The following TEX101 variants were observed in gnomAD, a reference collection of about 807,000 sequenced individuals.
The protein encoded by TEX101 is testis-expressed protein 101.
TEX101 carries 10 observed loss-of-function variants against 18.1 expected under a neutral mutation model. That is an observed-to-expected ratio of 0.55 (90% CI 0.34 to 0.94). TEX101 has a LOEUF of 0.94. Ranked by LOEUF, TEX101 falls within the 40% of genes least tolerant of loss-of-function variation. TEX101 has a pLI of 0.02. For missense variants in TEX101, 259 were observed against 298.9 expected, an observed-to-expected ratio of 0.87 and a Z score of 0.98; for synonymous variants, 94 against 114.8, an observed-to-expected ratio of 0.82 and a Z score of 1.16.
intron 3 of TEX101, among the ~76,000 whole-genome samples, chr19:43,409,133 G>T (rs1970397080): frequency 6.6e-6 from 1 of 152,228 alleles, no homozygotes; most frequent in African/African-American, 2.4e-5. Flanking sequence ...TAGGTTCAGA[G>T]AAACTTCAGG....
At position 43,415,952 on chromosome 19, in the gene TEX101, C is replaced by T. The variant is rs1006687590; in HGVS notation, c.33C>T (p.Ile11=). MGTPRIQHLL[I]LLVLGASLLT... is the part of the protein sequence containing the mutation. The stretch of plus-strand genomic sequence containing the variant: ...CCCCTCGTATCCAGCATTTGCTGAT[C>T]CTCCTGGTCCTAGGAGCCTCCCTCC... Residue 11 remains isoleucine (I), a synonymous_variant, in exon 2 of 6, where the codon ATC becomes ATT. Transcript: ENST00000598265. 5.0e-6 allele frequency: 8 copies of T among 1,614,174 alleles called. No individual in the cohort carries two copies. The highest frequency in any genetic ancestry group is 6.8e-6 in the Non-Finnish European group (8 of 1,180,030).
intron 2 of TEX101, among the ~76,000 whole-genome samples, chr19:43,404,111 G>A (rs1229629427): frequency 7.4e-6 from 1 of 135,704 alleles, no homozygotes; most frequent in Admixed American, 8.2e-5. Flanking sequence ...CTCTACACAT[G>A]ATTTAAGACA....
chr19:43,391,062 A>C, the TEX101 span, among the ~76,000 whole-genome samples: 1 of 152,214 alleles, frequency 6.6e-6, no homozygotes, highest in African/African-American at 2.4e-5. Flanking sequence ...TTCATGTTGA[A>C]GCACCATCAG....
chr19:43,418,062 T>G, intron 5 of TEX101, 56 bp downstream of exon 5: 1 of 1,613,406 alleles, frequency 6.2e-7, no homozygotes, highest in African/African-American at 1.3e-5. Flanking sequence ...TTTGAGTGGC[T>G]CCCCAGAGAT....
chr19:43,406,247 A>C, exon 3 of TEX101: 1 of 488,572 alleles, frequency 2.0e-6, no homozygotes, highest in Non-Finnish European at 3.6e-6. Flanking sequence ...AAGTGAAGGA[A>C]TTCAATGAAG....
chr19:43,392,335 G>A, the TEX101 span, among the ~76,000 whole-genome samples: 2 of 152,120 alleles, frequency 1.3e-5, no homozygotes, highest in Non-Finnish European at 1.5e-5. Context: ...ACCCAGGCTT[G>A]TGGATTCTTG....
At chr19:43,395,479 A>C in the TEX101 span, among the ~76,000 whole-genome samples, 24 of 152,214 alleles carry the variant, frequency 1.6e-4, no homozygotes, top group African/African-American at 5.1e-4. Flanking sequence ...ATTTAAATTT[A>C]GAGTGTCACT....
rs73561899 is a variant in TEX101, at chr19:43,404,394, T to C, written c.-283+1535T>C. 3.4e-3 allele frequency among the ~76,000 whole-genome samples: 520 copies of C among 151,962 alleles called. 4 individuals carry two copies. The highest frequency in any genetic ancestry group is 0.012 in the African/African-American group (492 of 41,238). On this transcript the variant is annotated intron_variant, in intron 2 of 7. Coordinates refer to the TEX101 transcript ENST00000602198. ...TTGAATGCTCAATAAGCCACTGAAA[T>C]GTGATATCTATATTATATTACATAT...
chr19:43,402,549 G>C (rs1970326757), intron 1 of TEX101, among the ~76,000 whole-genome samples: 2 of 152,212 alleles, frequency 1.3e-5, no homozygotes, highest in Non-Finnish European at 1.5e-5. Context: ...TTAATGACTG[G>C]AGATAGAACA....
upstream of TEX101, chr19:43,414,888 G>C: frequency 1.0e-6 from 1 of 985,478 alleles, no homozygotes; most frequent in Non-Finnish European, 1.2e-6. Context: ...GCCTTGCGTC[G>C]TAAGAGAATG....
chr19:43,398,441 A>C (rs1970292539), upstream of TEX101, among the ~76,000 whole-genome samples: 1 of 150,846 alleles, frequency 6.6e-6, no homozygotes, highest in Non-Finnish European at 1.5e-5. Context: ...ACGCCCAGCT[A>C]ATTTTTGTAT....
chr19:43,391,790 A>G, the TEX101 span, among the ~76,000 whole-genome samples: 1 of 152,300 alleles, frequency 6.6e-6, no homozygotes, highest in South Asian at 2.1e-4. Context: ...TGCCGTGACT[A>G]GTCTAGAATG....
upstream of TEX101, among the ~76,000 whole-genome samples, chr19:43,401,295 G>A (rs1027487269): frequency 1.3e-5 from 2 of 152,210 alleles, no homozygotes; most frequent in African/African-American, 4.8e-5. Flanking sequence ...AACGCTGAAA[G>A]CAATGTATAG....
At chr19:43,414,728 TC>T (rs1178228131), upstream of TEX101, 36 of 656,052 alleles carry the variant, frequency 5.5e-5, no homozygotes, top group African/African-American at 6.9e-4. Context: ...CCACTCACCT[TC>T]CGAGCATGCG....
chr19:43,410,307 A>G (rs1970407164), upstream of TEX101, among the ~76,000 whole-genome samples: 1 of 152,136 alleles, frequency 6.6e-6, no homozygotes, highest in Non-Finnish European at 1.5e-5. Context: ...GGGTAAACAA[A>G]TGCATGGGGG....
intron 1 of TEX101, among the ~76,000 whole-genome samples, 158 bp from the exon 2 acceptor site, chr19:43,415,723 G>A (rs1288730320): frequency 1.3e-5 from 2 of 151,332 alleles, no homozygotes; most frequent in South Asian, 2.1e-4. Context: ...TTGCGCCACT[G>A]CACTCCAGCC....
chr19:43,414,256 C>T (rs1025203028), upstream of TEX101, among the ~76,000 whole-genome samples: 1 of 152,128 alleles, frequency 6.6e-6, no homozygotes, highest in South Asian at 2.1e-4. Flanking sequence ...GACACGGACG[C>T]GTGGGTTCGA....
chr19:43,400,195 C>T (rs1970307528), upstream of TEX101, among the ~76,000 whole-genome samples: 1 of 152,182 alleles, frequency 6.6e-6, no homozygotes, highest in Admixed American at 6.5e-5. Flanking sequence ...GCTCATCTTA[C>T]ATAATTCTTA....
At chr19:43,390,044 G>C in the TEX101 span, among the ~76,000 whole-genome samples, 1 of 152,166 alleles carries the variant, frequency 6.6e-6, no homozygotes, top group East Asian at 1.9e-4. Context: ...CAAGTCCCTG[G>C]GATGTGCTCC....
Sources: allele counts gnomAD v4.1 joint callset (sites outside exome capture counted in the v4.1 genomes callset), GRCh38; gene constraint gnomAD v4.1.1; transcripts MANE v1.5; gene names NCBI Gene and HGNC (gene_info 2026-07-23, HGNC 2026-07-21).